The following SMOC2 variants were observed in gnomAD, a reference collection of about 807,000 sequenced individuals.
SMOC2 encodes SPARC-related modular calcium-binding protein 2.
SMOC2 carries 39 observed loss-of-function variants against 61.4 expected under a neutral mutation model. The observed-to-expected ratio is 0.64, with a 90% CI of 0.49 to 0.83. The LOEUF (loss-of-function observed/expected upper bound fraction) is 0.83. Ranked by LOEUF, SMOC2 falls within the 40% of genes least tolerant of loss-of-function variation. The probability of loss-of-function intolerance (pLI) is 0.00; values close to 1 mark genes in which losing one functional copy is unlikely to be tolerated. For missense variants in SMOC2, 556 were observed against 592.9 expected, an observed-to-expected ratio of 0.94 and a Z score of 0.65; for synonymous variants, 247 against 239.9, an observed-to-expected ratio of 1.03 and a Z score of -0.27.
intron 1 of SMOC2, among the ~76,000 whole-genome samples, chr6:168,489,313 C>T (rs530611169): frequency 7.6e-4 from 113 of 149,510 alleles, no homozygotes; most frequent in African/African-American, 2.8e-3. Context: ...TATATCGAAT[C>T]ATCTGGGTCC....
intron 8 of SMOC2, among the ~76,000 whole-genome samples, chr6:168,600,422 CAAAAAAAAAAACA>C (rs1389612893): frequency 0.028 from 730 of 25,950 alleles, 54 homozygotes; most frequent in African/African-American, 0.077. Context: ...AAAAAAAAAA[CAAAAAAAAAAACA>C]AAAAAAAAAA....
At chr6:168,582,991 C>T (rs544098862) in intron 7 of SMOC2, among the ~76,000 whole-genome samples, 76 of 152,278 alleles carry the variant, frequency 5.0e-4, no homozygotes, top group African/African-American at 1.7e-3. Flanking sequence ...GTCCAGGCTC[C>T]GGCCTCCGTC....
At position 168,583,461 on chromosome 6, in the gene SMOC2, C is replaced by A. The variant is rs796211852; in HGVS notation, c.638-15357C>A. Among the ~76,000 whole-genome samples the A allele has an allele frequency of 3.3e-5, 5 of 152,230 alleles. No homozygotes were observed. The South Asian group carries it at 8.3e-4, about 25-fold the overall frequency. On this transcript the variant is annotated intron_variant, in intron 7 of 12. Transcript: ENST00000356284. ...AAACTATTCCTTCACAGCAGATGAA[C>A]GCACAATGTCTGTGTATTGGGTGTT...
At position 168,484,421 on chromosome 6, in the gene SMOC2, T is replaced by C. The variant is rs1782282921; in HGVS notation, c.85-25494T>C. 2.0e-5 allele frequency among the ~76,000 whole-genome samples: 3 copies of C among 152,162 alleles called. No individual in the cohort carries two copies. The South Asian group carries it at 6.2e-4, about 32-fold the overall frequency. ...AACCCACACCCATTATAATAGCTAC[T>C]GTTTTAAAAACAGAAAATAACAAAT... On this transcript the variant is annotated intron_variant, in intron 1 of 12. Coordinates refer to ENST00000356284, the MANE Select transcript of SMOC2 (RefSeq NM_001166412.2).
chr6:168,464,391 A>AGTGAC (rs1269357176), intron 1 of SMOC2, among the ~76,000 whole-genome samples: 1 of 152,106 alleles, frequency 6.6e-6, no homozygotes, highest in Non-Finnish European at 1.5e-5. Context: ...ATTAGCTGAC[A>AGTGAC]GTGACGCTGT....
intron 1 of SMOC2, among the ~76,000 whole-genome samples, chr6:168,493,057 GAC>G (rs1466693084): frequency 4.6e-5 from 7 of 150,840 alleles, no homozygotes; most frequent in Admixed American, 1.3e-4. Context: ...TTTTTTTTGA[GAC>G]AGAGTCTTAC....
rs561257873 is a variant in SMOC2, at chr6:168,576,289, G to T, written c.638-22529G>T. ...ACTTTTTTGATATAAAAATTCTTTT[G>T]TGCTGTTATAACTCATCAAGGACCC... On this transcript the variant is annotated intron_variant, in intron 7 of 12. Transcript: ENST00000356284. Among the ~76,000 whole-genome samples, 77 of 152,166 alleles carry T rather than the reference G, an allele frequency of 5.1e-4. 1 individual carries two copies. The highest frequency in any genetic ancestry group is 1.6e-3 in the African/African-American group (68 of 41,444).
rs562128056 is a variant in SMOC2 at position 168,454,002 on chromosome 6, C to T, written c.84+12548C>T. Among the ~76,000 whole-genome samples the T allele has an allele frequency of 5.3e-5, 8 of 152,122 alleles. No homozygotes were observed. In the South Asian group the frequency reaches 1.3e-3, roughly 24 times the overall value. Reference sequence around the variant, plus strand: ...TTTCTTTGCCCCTCTATTTCTGTCTCGATCTCTCTCTGTCCTTGTCTCTGT... The same window carrying T: ...TTTCTTTGCCCCTCTATTTCTGTCTTGATCTCTCTCTGTCCTTGTCTCTGT... On this transcript the variant is annotated intron_variant, in intron 1 of 12. Coordinates refer to ENST00000356284, the MANE Select transcript of SMOC2 (RefSeq NM_001166412.2).
intron 1 of SMOC2, among the ~76,000 whole-genome samples, chr6:168,446,038 TC>T (rs1164988297): frequency 6.6e-6 from 1 of 152,146 alleles, no homozygotes; most frequent in Non-Finnish European, 1.5e-5. Context: ...GGTTTGGAGG[TC>T]AAGGGTAACA....
chr6:168,612,811 G>A (rs1408249060), intron 9 of SMOC2, among the ~76,000 whole-genome samples: 1 of 152,238 alleles, frequency 6.6e-6, no homozygotes, highest in Non-Finnish European at 1.5e-5. Context: ...AGACAGAGGT[G>A]CAGGGAGATG....
intron 1 of SMOC2, among the ~76,000 whole-genome samples, chr6:168,471,152 T>C (rs930611520): frequency 1.3e-5 from 2 of 152,354 alleles, no homozygotes; most frequent in East Asian, 1.9e-4. Context: ...TAAGGAGATA[T>C]AACTGTCGCA....
Position 168,653,209 on chromosome 6 carries a change from G to A in SMOC2, c.1266G>A (p.Ala422=), listed in dbSNP as rs201517390. Residue 422 remains alanine, a synonymous_variant, in exon 11 of 13, where the codon GCG becomes GCA. Transcript: ENST00000356284. ...GCGTGGCGAAAGAGGACGGCAAAGC[G>A]GACACCAAGAAACGCCACAGTAAGA... is the stretch of plus-strand genomic sequence containing the variant. ...CLGVAKEDGK[A]DTKKRHTPRG... 2.9e-5 allele frequency: 47 copies of A among 1,613,356 alleles called. No homozygotes were observed. In the East Asian group the frequency reaches 3.1e-4, roughly 11 times the overall value.
intron 7 of SMOC2, among the ~76,000 whole-genome samples, chr6:168,572,295 C>G: frequency 2.3e-5 from 1 of 43,912 alleles, no homozygotes; most frequent in East Asian, 1.0e-3. Flanking sequence ...GCAATGTTCA[C>G]TTTCTCCCCG....
chr6:168,446,908 C>T (rs1201711170), intron 1 of SMOC2, among the ~76,000 whole-genome samples: 6 of 152,220 alleles, frequency 3.9e-5, no homozygotes, highest in East Asian at 3.9e-4. Flanking sequence ...TGATGAACCA[C>T]GATTTTATTT....
At position 168,540,250 on chromosome 6, in the gene SMOC2, G is replaced by A. The variant is rs915821060; in HGVS notation, c.464-3375G>A. ...TGCACATAAGGTGATGGCGGCGAGG[G>A]CCTGAGGGCTGCAGGCCATTTGGTG... On this transcript the variant is annotated intron_variant, in intron 4 of 12. Transcript: ENST00000356284. 2.0e-5 allele frequency among the ~76,000 whole-genome samples: 3 copies of A among 152,374 alleles called. No homozygotes were observed. The South Asian group carries it at 6.2e-4, about 32-fold the overall frequency.
intron 1 of SMOC2, among the ~76,000 whole-genome samples, chr6:168,451,127 C>T (rs565071068): frequency 6.6e-6 from 1 of 152,314 alleles, no homozygotes; most frequent in Middle Eastern, 3.4e-3. Flanking sequence ...ATTTATTCCC[C>T]AGGGGAAAGC....
chr6:168,502,447 G>A (rs1782752459), intron 1 of SMOC2, among the ~76,000 whole-genome samples: 1 of 152,234 alleles, frequency 6.6e-6, no homozygotes, highest in African/African-American at 2.4e-5. Flanking sequence ...TCTGCCCACA[G>A]CCACCTTCTG....
chr6:168,518,169 C>A (rs1201025241), intron 2 of SMOC2, among the ~76,000 whole-genome samples: 1 of 152,240 alleles, frequency 6.6e-6, no homozygotes, highest in African/African-American at 2.4e-5. Context: ...CTCCTTCACC[C>A]CCGCACAAGC....
intron 2 of SMOC2, among the ~76,000 whole-genome samples, chr6:168,510,556 G>C (rs933917355): frequency 1.3e-5 from 2 of 152,174 alleles, no homozygotes; most frequent in Admixed American, 6.5e-5. Flanking sequence ...CTACATCAGT[G>C]AAGGGTTTGA....
Sources: gnomAD v4.1 joint callset for allele counts (sites outside exome capture counted in the v4.1 genomes callset) on GRCh38, gnomAD v4.1.1 for gene constraint, MANE v1.5 for transcripts, NCBI Gene and HGNC (gene_info 2026-07-23, HGNC 2026-07-21) for gene names.